RNF19A: variants seen among roughly 807,000 people sequenced by gnomAD.
RNF19A encodes the protein E3 ubiquitin-protein ligase RNF19A.
Under a neutral mutation model 75.7 loss-of-function variants are expected in RNF19A, and 32 were observed. That is an observed-to-expected ratio of 0.42 (90% confidence interval 0.32 to 0.57). The LOEUF (loss-of-function observed/expected upper bound fraction) is 0.57. Ranked by LOEUF, RNF19A falls within the 20% of genes least tolerant of loss-of-function variation. RNF19A has a pLI of 0.10. For synonymous variants in RNF19A, 335 were observed against 345.2 expected (o/e 0.97, Z 0.33); for missense variants, 782 against 1,036.3 (o/e 0.75, Z 3.37).
chr8:100,319,741 G>A (rs1351598307), intron 1 of RNF19A, among the ~76,000 whole-genome samples: 1 of 151,632 alleles, frequency 6.6e-6, no homozygotes, highest in Non-Finnish European at 1.5e-5. Context: ...TGTTGGCCAG[G>A]CTGGTCTCCA....
At chr8:100,272,744 A>G (rs555665114) in intron 3 of RNF19A, among the ~76,000 whole-genome samples, 2 of 152,040 alleles carry the variant, frequency 1.3e-5, no homozygotes, top group East Asian at 3.9e-4. Flanking sequence ...GGATTTCACC[A>G]TGTTGCCCAG....
At chr8:100,270,810 G>T (rs934983093) in intron 3 of RNF19A, among the ~76,000 whole-genome samples, 1 of 152,088 alleles carries the variant, frequency 6.6e-6, no homozygotes, top group Non-Finnish European at 1.5e-5. Context: ...CTCAACTGTT[G>T]TTGGTCTATG....
At chr8:100,304,944 T>C (rs1822005723) in intron 1 of RNF19A, among the ~76,000 whole-genome samples, 1 of 152,174 alleles carries the variant, frequency 6.6e-6, no homozygotes, top group Non-Finnish European at 1.5e-5. Context: ...TCCTTCCTTA[T>C]TTTATTTTAG....
At position 100,258,934 on chromosome 8, in the gene RNF19A, G is replaced by A. The variant is rs768218121; in HGVS notation, c.2139C>T (p.Leu713=). The change falls in exon 10 of 10, where the codon CTC becomes CTT. Residue 713 remains leucine (L), a synonymous_variant. Coordinates refer to ENST00000341084, the MANE Select transcript of RNF19A (RefSeq NM_183419.4). The surrounding 1 kb of genome is among the most constrained non-coding windows in gnomAD (Gnocchi z 4.3). ...CTGCTACAGAAGGCATACTGTCACTGAGGGATGGAGCCTCAAATTCACTTG... is the reference window on the plus strand; with the variant it reads ...CTGCTACAGAAGGCATACTGTCACTAAGGGATGGAGCCTCAAATTCACTTG... The part of the protein sequence containing the change: ...TNSSEFEAPS[L]SDSMPSVADS... 1.3e-5 allele frequency: 21 copies of A among 1,614,096 alleles called. No individual in the cohort carries two copies. The East Asian group carries it at 4.2e-4, about 33-fold the overall frequency.
chr8:100,309,773 GC>G lies in RNF19A; in HGVS notation c.-94+93del, dbSNP rs1365258988. On this transcript the variant is annotated intron_variant, in intron 1 of 9. Transcript: ENST00000341084. Reference sequence around the variant, plus strand: ...TTCTGTCCCGGGCAGGGGCGCTAGGGCTGCGGCCCGGCCAGAGCTCCCTGGG... The same window carrying G: ...TTCTGTCCCGGGCAGGGGCGCTAGGGTGCGGCCCGGCCAGAGCTCCCTGGG... The G allele has an allele frequency of 2.3e-5, 23 of 985,408 alleles. No homozygotes were observed. The African/African-American group carries it at 4.0e-4, about 17-fold the overall frequency. The allele number at this position is 985,408 out of a possible 1,614,324, so 61.0% of individuals were successfully genotyped here. A position where few individuals can be genotyped will look rare whatever the true frequency, so the allele number is the denominator to read the frequency against.
At chr8:100,267,013 A>G (rs1177793198) in intron 5 of RNF19A, among the ~76,000 whole-genome samples, 1 of 152,248 alleles carries the variant, frequency 6.6e-6, no homozygotes, top group Non-Finnish European at 1.5e-5. Context: ...GTCGGGTCCC[A>G]GAAGTTAGAA....
At chr8:100,265,520 A>G (rs1475362666) in intron 5 of RNF19A, among the ~76,000 whole-genome samples, 1 of 152,196 alleles carries the variant, frequency 6.6e-6, no homozygotes, top group African/African-American at 2.4e-5. Flanking sequence ...ATGAACTTTG[A>G]GATCTTTATT....
intron 7 of RNF19A, among the ~76,000 whole-genome samples, chr8:100,262,758 A>C (rs1819782367): frequency 6.6e-6 from 1 of 152,202 alleles, no homozygotes; most frequent in Admixed American, 6.5e-5. Flanking sequence ...AGAGGCTATT[A>C]CAATAGCCCA....
In RNF19A at chr8:100,330,910, G is replaced by T. The variant is rs998591899; in HGVS notation, c.-243+5198C>A. Among the ~76,000 whole-genome samples, 16 of 152,226 alleles carry T rather than the reference G, an allele frequency of 1.1e-4. No homozygotes were observed. Among genetic ancestry groups the T allele is most frequent in the Non-Finnish European group, 1.9e-4 (13 of 68,046 alleles). ...GCATTAATGCGAAAAGTGCAGACTG[G>T]CTCCAAGGCTCTGAGCTGGTCTTTC... On this transcript the variant is annotated intron_variant, in intron 1 of 3. Transcript: ENST00000519527. This position sits in a 1 kb window ranked among gnomAD's most constrained non-coding sequence, Gnocchi z 4.1.
chr8:100,330,376 G>C lies in RNF19A; in HGVS notation c.-243+5732C>G, dbSNP rs1022289911. On this transcript the variant is annotated intron_variant, in intron 1 of 3. Transcript: ENST00000519527. This position sits in a 1 kb window ranked among gnomAD's most constrained non-coding sequence, Gnocchi z 4.1. Reference sequence around the variant, plus strand: ...GGAGACCCATCCCTCCCTCATTCTTGGTTCATAATATTAAAGTCATGACCT... The same window carrying C: ...GGAGACCCATCCCTCCCTCATTCTTCGTTCATAATATTAAAGTCATGACCT... Among the ~76,000 whole-genome samples, 4 of 152,120 alleles carry C rather than the reference G, an allele frequency of 2.6e-5. No individual in the cohort carries two copies. Among genetic ancestry groups the C allele is most frequent in the African/African-American group, 9.7e-5 (4 of 41,400 alleles).
rs1203858986 is a variant in RNF19A at position 100,324,647 on chromosome 8, G to A, written c.-242-11275C>T. On this transcript the variant is annotated intron_variant, in intron 1 of 3. Coordinates refer to the RNF19A transcript ENST00000519527. This position sits in a 1 kb window ranked among gnomAD's most constrained non-coding sequence, Gnocchi z 4.2. ...ACATTTGCATTGATTTTTCACAAAC[G>A]AAGAATTTCCAACCTGAGAAACCTA... Among the ~76,000 whole-genome samples, 2 of 152,046 alleles carry A rather than the reference G, an allele frequency of 1.3e-5. No individual in the cohort carries two copies. The highest frequency in any genetic ancestry group is 2.4e-5 in the African/African-American group (1 of 41,400).
Position 100,284,261 on chromosome 8 carries a change from G to C in RNF19A, c.674+3240C>G, listed in dbSNP as rs549947129. 2.6e-5 allele frequency among the ~76,000 whole-genome samples: 4 copies of C among 152,192 alleles called. No individual in the cohort carries two copies. In the East Asian group the frequency reaches 5.8e-4, roughly 22 times the overall value. On this transcript the variant is annotated intron_variant, in intron 2 of 9. Transcript: ENST00000341084. The surrounding 1 kb of genome is among the most constrained non-coding windows in gnomAD (Gnocchi z 4.3). ...GTATTTACAGCTCATAATAAGTAAA[G>C]CTAACTTTTAATGAGGGCTTGTGTA...
chr8:100,318,707 C>T (rs1336798725), intron 1 of RNF19A, among the ~76,000 whole-genome samples: 1 of 152,212 alleles, frequency 6.6e-6, no homozygotes, highest in African/African-American at 2.4e-5. Context: ...CAAGCTGGAA[C>T]ACTCTTAGAT....
chr8:100,306,444 A>G (rs1348418333), intron 1 of RNF19A, among the ~76,000 whole-genome samples: 1 of 152,202 alleles, frequency 6.6e-6, no homozygotes, highest in African/African-American at 2.4e-5. Context: ...CATCAATAGG[A>G]TAAGACTACA....
intron 5 of RNF19A, among the ~76,000 whole-genome samples, chr8:100,267,451 C>T (rs1048462050): frequency 6.6e-6 from 1 of 152,078 alleles, no homozygotes; most frequent in Non-Finnish European, 1.5e-5. Context: ...CTCACTGCAG[C>T]CTCCACTTGC....
At chr8:100,262,576 G>A (rs1404241519) in intron 7 of RNF19A, among the ~76,000 whole-genome samples, 2 of 152,150 alleles carry the variant, frequency 1.3e-5, no homozygotes, top group Admixed American at 6.5e-5. Context: ...GGCAGATCAT[G>A]TGGGGCCTTT....
chr8:100,304,395 A>G (rs1192083824), intron 1 of RNF19A, among the ~76,000 whole-genome samples: 1 of 152,194 alleles, frequency 6.6e-6, no homozygotes, highest in East Asian at 1.9e-4. Context: ...AATTACAGTC[A>G]TTGTACTATA....
chr8:100,269,205 G>A lies in RNF19A; in HGVS notation c.1029-258C>T, dbSNP rs574510030. ...ACAAGATACTGATAACTGAAATTCA[G>A]GTTAAAAATTTATCCCTAGTCTTCC... On this transcript the variant is annotated intron_variant, in intron 4 of 9. Transcript: ENST00000341084. This position sits in a 1 kb window ranked among gnomAD's most constrained non-coding sequence, Gnocchi z 5.7. Among the ~76,000 whole-genome samples the A allele has an allele frequency of 7.9e-5, 12 of 150,988 alleles. No individual in the cohort carries two copies. In the East Asian group the frequency reaches 1.2e-3, roughly 15 times the overall value.
chr8:100,335,762 G>A (rs1822672208), intron 1 of RNF19A, among the ~76,000 whole-genome samples: 1 of 152,192 alleles, frequency 6.6e-6, no homozygotes, highest in African/African-American at 2.4e-5. Context: ...CAGTGACGGT[G>A]GCCGCCTGTC....
Sources: allele counts gnomAD v4.1 joint callset (sites outside exome capture counted in the v4.1 genomes callset), GRCh38; gene constraint gnomAD v4.1.1; non-coding constraint Gnocchi (gnomAD v3.1); transcripts MANE v1.5; gene names NCBI Gene and HGNC (gene_info 2026-07-23, HGNC 2026-07-21).